The following FGD6 variants were observed in gnomAD, a reference collection of about 807,000 sequenced individuals.
The protein encoded by FGD6 is FYVE, RhoGEF and PH domain-containing protein 6.
A neutral mutation model predicts 149.4 loss-of-function variants in FGD6; 90 were observed. The observed-to-expected ratio is 0.60, with a 90% CI of 0.51 to 0.72. The LOEUF is 0.72. Among genes scored for constraint, FGD6 ranks in the 30% least tolerant of loss-of-function variants. The pLI, the probability that FGD6 is intolerant of heterozygous loss-of-function variation, is 0.00. For synonymous variants in FGD6, 527 were observed against 584.0 expected (o/e 0.90, Z 1.41); for missense variants, 1,437 against 1,684.8 (o/e 0.85, Z 2.57).
chr12:95,192,786 C>A (rs1881627974), intron 2 of FGD6, among the ~76,000 whole-genome samples: 1 of 152,090 alleles, frequency 6.6e-6, no homozygotes, highest in Non-Finnish European at 1.5e-5. Flanking sequence ...TGAATTAGGT[C>A]TAGAAAGATG....
intron 5 of FGD6, among the ~76,000 whole-genome samples, chr12:95,151,599 G>A (rs1004252520): frequency 6.6e-6 from 1 of 152,162 alleles, no homozygotes; most frequent in Admixed American, 6.6e-5. Context: ...ACCAAGTACA[G>A]AGCACAGGTA....
chr12:95,132,675 C>A (rs1879557399), intron 8 of FGD6, among the ~76,000 whole-genome samples: 1 of 152,108 alleles, frequency 6.6e-6, no homozygotes, highest in South Asian at 2.1e-4. Context: ...TCTCTTGAAT[C>A]CAGGAGGCGG....
intron 8 of FGD6, chr12:95,116,771 C>A: frequency 2.2e-6 from 1 of 453,632 alleles, no homozygotes; most frequent in East Asian, 7.0e-5. Context: ...CATCCATCAA[C>A]CCATCCATCC....
chr12:95,121,869 T>C (rs1879201201), intron 8 of FGD6, among the ~76,000 whole-genome samples: 1 of 152,172 alleles, frequency 6.6e-6, no homozygotes, highest in African/African-American at 2.4e-5. Context: ...TCGGCCAGGC[T>C]GGTTATTTTT....
chr12:95,203,392 T>TTCC, intron 2 of FGD6, among the ~76,000 whole-genome samples: 1 of 152,312 alleles, frequency 6.6e-6, no homozygotes, highest in Admixed American at 6.5e-5. Context: ...CAGTTTGCAA[T>TTCC]CTGGCTCCTT....
chr12:95,121,490 T>C (rs1193923570), intron 8 of FGD6, among the ~76,000 whole-genome samples: 1 of 146,072 alleles, frequency 6.8e-6, no homozygotes, highest in Non-Finnish European at 1.5e-5. Context: ...TGTATATATA[T>C]ATATATATAT....
At chr12:95,101,871 C>T (rs1592831668) in intron 14 of FGD6, among the ~76,000 whole-genome samples, 1 of 151,458 alleles carries the variant, frequency 6.6e-6, no homozygotes, top group Non-Finnish European at 1.5e-5. Flanking sequence ...TTAGTAGAGA[C>T]GGGGTTTCCC....
intron 20 of FGD6, 121 bp downstream of exon 20, chr12:95,084,377 A>T: frequency 1.3e-6 from 1 of 783,030 alleles, no homozygotes; most frequent in Non-Finnish European, 1.9e-6. Flanking sequence ...AAATCTTTCT[A>T]ATTAAAATCT....
chr12:95,199,832 T>G (rs1203563354), intron 2 of FGD6, among the ~76,000 whole-genome samples: 2 of 152,162 alleles, frequency 1.3e-5, no homozygotes, highest in East Asian at 3.8e-4. Context: ...CTCGAACTCC[T>G]GATCTCAAGT....
chr12:95,114,795 G>A lies in FGD6; in HGVS notation c.3083-1094C>T, dbSNP rs1878957392. Reference sequence around the variant, plus strand: ...GTTAAATTAATACAAATTCCTTTCTGGAATTTAAAGCCCCCTGCTACATGG... The same window carrying A: ...GTTAAATTAATACAAATTCCTTTCTAGAATTTAAAGCCCCCTGCTACATGG... On this transcript the variant is annotated intron_variant, in intron 8 of 20. Coordinates refer to ENST00000343958, the MANE Select transcript of FGD6 (RefSeq NM_018351.4). Among the ~76,000 whole-genome samples, 3 of 152,156 alleles carry A rather than the reference G, an allele frequency of 2.0e-5. No individual in the cohort carries two copies. The East Asian group carries it at 5.8e-4, about 29-fold the overall frequency.
intron 15 of FGD6, among the ~76,000 whole-genome samples, chr12:95,093,850 C>CA (rs72490017): frequency 0.04 from 4,982 of 123,258 alleles, 126 homozygotes; most frequent in Middle Eastern, 0.13. Context: ...TCCATCTCAA[C>CA]AAAAAAAAAA....
At chr12:95,132,108 A>G (rs1879537835) in intron 8 of FGD6, among the ~76,000 whole-genome samples, 2 of 152,226 alleles carry the variant, frequency 1.3e-5, no homozygotes, top group Non-Finnish European at 2.9e-5. Context: ...CTCAAACTAA[A>G]AATAACTCCA....
chr12:95,148,456 C>A (rs1363869643), intron 5 of FGD6, among the ~76,000 whole-genome samples: 4 of 128,388 alleles, frequency 3.1e-5, no homozygotes, highest in Admixed American at 1.8e-4. Flanking sequence ...TATAGCCAGT[C>A]CATCTTTGTC....
chr12:95,101,023 T>C (rs1043346611), intron 14 of FGD6: 34 of 318,874 alleles, frequency 1.1e-4, no homozygotes, highest in Non-Finnish European at 1.8e-5. Flanking sequence ...GTTGCCACCT[T>C]GATTGATAAG....
Position 95,211,063 on chromosome 12 carries a change from T to C in FGD6, c.221A>G (p.Lys74Arg). The change falls in exon 2 of 21, where the codon AAA (lysine) becomes AGA (arginine). Residue 74 changes from lysine (K) to arginine (R), a missense_variant. Around this residue, in one of 2 missense-constraint regions of FGD6, gnomAD observed 1,055 missense variants for 1,146.0 expected, o/e 0.92. Coordinates refer to ENST00000343958, the MANE Select transcript of FGD6 (RefSeq NM_018351.4). ...ATGCCCTTCCAGGTTCAACATGATT[T>C]TCCTTGATGGCGACTGCCCAATCTC... is the stretch of plus-strand genomic sequence containing the variant. ...VREIGQSPSR[K>R]IMLNLEGHKQ... 6.2e-7 allele frequency: 1 copy of C among 1,614,162 alleles called. No individual in the cohort carries two copies. The highest frequency in any genetic ancestry group is 1.1e-5 in the South Asian group (1 of 91,036).
chr12:95,098,127 G>T (rs1423760914), intron 14 of FGD6, among the ~76,000 whole-genome samples: 1 of 152,024 alleles, frequency 6.6e-6, no homozygotes, highest in Non-Finnish European at 1.5e-5. Flanking sequence ...GCTGCATTTG[G>T]ATGTTGCATA....
intron 8 of FGD6, among the ~76,000 whole-genome samples, chr12:95,121,481 G>GTGTATATATATA (rs1491167311): frequency 1.7e-4 from 21 of 121,882 alleles, no homozygotes; most frequent in African/African-American, 6.4e-4. Flanking sequence ...ATATATATAT[G>GTGTATATATATA]TATATATATA....
chr12:95,185,917 T>C (rs528641841), intron 2 of FGD6, among the ~76,000 whole-genome samples: 2 of 152,094 alleles, frequency 1.3e-5, no homozygotes, highest in South Asian at 2.1e-4. Context: ...TTAAATGAGA[T>C]AATGTGAATA....
At position 95,199,426 on chromosome 12, in the gene FGD6, C is replaced by T. The variant is rs114932670; in HGVS notation, c.2441+9417G>A. On this transcript the variant is annotated intron_variant, in intron 2 of 20. Coordinates refer to ENST00000343958, the MANE Select transcript of FGD6 (RefSeq NM_018351.4). ...TCCTTATTTATTTTTTTCTTACCCC[C>T]AGACTTCTAAAAGACTAAGATTTCA... Among the ~76,000 whole-genome samples the T allele has an allele frequency of 2.8e-3, 426 of 152,150 alleles. 1 individual carries two copies. Among genetic ancestry groups the T allele is most frequent in the African/African-American group, 9.6e-3 (399 of 41,506 alleles).
Sources: gnomAD v4.1 joint callset for allele counts (sites outside exome capture counted in the v4.1 genomes callset) on GRCh38, gnomAD v4.1.1 for gene constraint, gnomAD v4.1.1 regional missense constraint, MANE v1.5 for transcripts, NCBI Gene and HGNC (gene_info 2026-07-23, HGNC 2026-07-21) for gene names.